COL24A1: variants seen among roughly 807,000 people sequenced by gnomAD.
The protein encoded by COL24A1 is collagen type XXIV alpha 1 chain.
COL24A1 carries 224 observed loss-of-function variants against 253.9 expected under a neutral mutation model. The observed-to-expected ratio is 0.88, with a 90% CI of 0.79 to 0.99. The LOEUF (loss-of-function observed/expected upper bound fraction) is 0.99, where lower values mean the gene tolerates loss of function less well. Ranked by LOEUF, COL24A1 falls within the 50% of genes least tolerant of loss-of-function variation. COL24A1 has a pLI of 0.00. For missense variants in COL24A1, 2,131 were observed against 2,068.5 expected (o/e 1.03, Z -0.59); for synonymous variants, 685 against 673.7 (o/e 1.02, Z -0.26).
chr1:86,055,366 T>C (rs1229696988), intron 10 of COL24A1, among the ~76,000 whole-genome samples: 3 of 152,176 alleles, frequency 2.0e-5, no homozygotes, highest in Non-Finnish European at 4.4e-5. Flanking sequence ...CACTCCCAAG[T>C]GTGAAACCTA....
chr1:85,794,663 G>C (rs1670633432), intron 47 of COL24A1, among the ~76,000 whole-genome samples: 1 of 152,174 alleles, frequency 6.6e-6, no homozygotes. Flanking sequence ...AAGAGAAACA[G>C]ATGCTAACCC....
intron 42 of COL24A1, among the ~76,000 whole-genome samples, chr1:85,840,585 G>A (rs1676496259): frequency 6.6e-6 from 1 of 151,944 alleles, no homozygotes; most frequent in African/African-American, 2.4e-5. Flanking sequence ...TTATTTCTAT[G>A]GACTAAAAAT....
chr1:85,814,835 C>T (rs1040511313), intron 47 of COL24A1, among the ~76,000 whole-genome samples: 2 of 152,148 alleles, frequency 1.3e-5, no homozygotes, highest in African/African-American at 4.8e-5. Flanking sequence ...ATCTCATAAG[C>T]TGAACATCTG....
At chr1:85,967,890 G>T (rs1488809940) in intron 22 of COL24A1, among the ~76,000 whole-genome samples, 1 of 152,160 alleles carries the variant, frequency 6.6e-6, no homozygotes, top group African/African-American at 2.4e-5. Flanking sequence ...TATTGATCCT[G>T]GGTGTGTCTG....
rs1030028399 is a variant in COL24A1 at position 86,156,531 on chromosome 1, G to C, written c.-135C>G. 148 of 694,912 alleles carry C rather than the reference G, an allele frequency of 2.1e-4. No individual in the cohort carries two copies. The highest frequency in any genetic ancestry group is 1.6e-4 in the Non-Finnish European group (74 of 468,206). 43.0% of individuals were successfully genotyped at this position (694,912 alleles called of 1,614,324 possible). ...AAACCATGCTTCAAACCCGCAACAA[G>C]AAAAAAAGGAGGGGAGGGGGTGAAG... On this transcript the variant is annotated 5_prime_UTR_variant, in exon 1 of 60. Transcript: ENST00000370571.
rs564146828 is a variant in COL24A1 at position 86,098,968 on chromosome 1, G to A, written c.1600-6648C>T. Among the ~76,000 whole-genome samples the A allele has an allele frequency of 3.3e-5, 5 of 152,066 alleles. No homozygotes were observed. The East Asian group carries it at 5.8e-4, about 18-fold the overall frequency. On this transcript the variant is annotated intron_variant, in intron 5 of 59. Coordinates refer to ENST00000370571, the MANE Select transcript of COL24A1 (RefSeq NM_152890.7). ...ATCATTAACCACCATAATCTAATTG[G>A]CATTTATATAACACCACACCAAATA...
intron 37 of COL24A1, among the ~76,000 whole-genome samples, chr1:85,854,828 T>C (rs1253595995): frequency 6.6e-6 from 1 of 151,956 alleles, no homozygotes; most frequent in Non-Finnish European, 1.5e-5. Context: ...CTCAGCCTCC[T>C]GAGTAGCTGG....
intron 2 of COL24A1, among the ~76,000 whole-genome samples, chr1:86,128,492 A>G (rs1412316072): frequency 1.3e-5 from 2 of 151,998 alleles, no homozygotes; most frequent in African/African-American, 4.8e-5. Flanking sequence ...TACATATGTA[A>G]AAAATAATCA....
chr1:85,945,018 T>TTTTTTTTTTTTTTTTTG (rs1689174399), intron 24 of COL24A1, among the ~76,000 whole-genome samples: 1 of 86,838 alleles, frequency 1.2e-5, no homozygotes, highest in Non-Finnish European at 2.3e-5. Flanking sequence ...TTTTTTTTTT[T>TTTTTTTTTTTTTTTTTG]TTTTTTTTTT....
intron 45 of COL24A1, among the ~76,000 whole-genome samples, chr1:85,819,676 A>AAAT (rs1280182318): frequency 6.6e-6 from 1 of 152,104 alleles, no homozygotes; most frequent in Non-Finnish European, 1.5e-5. Flanking sequence ...AACAGATTTA[A>AAAT]AATAATAATA....
intron 24 of COL24A1, among the ~76,000 whole-genome samples, chr1:85,927,382 G>A (rs1263090721): frequency 6.6e-6 from 1 of 150,468 alleles, no homozygotes; most frequent in East Asian, 2.0e-4. Context: ...ACCGGCTTAA[G>A]AAACGGCGCA....
rs576645919 is a variant in COL24A1 at position 86,082,888 on chromosome 1, A to C, written c.1707+6286T>G. ...CCCAAATCTGAAAATCTGAAATCTT[A>C]AATGCTCCCAGTGAGCATTTCCTTT... On this transcript the variant is annotated intron_variant, in intron 7 of 59. Coordinates refer to ENST00000370571, the MANE Select transcript of COL24A1 (RefSeq NM_152890.7). Among the ~76,000 whole-genome samples, 44 of 147,256 alleles carry C rather than the reference A, an allele frequency of 3.0e-4. 1 individual carries two copies. In the East Asian group the frequency reaches 8.3e-3, roughly 28 times the overall value.
intron 37 of COL24A1, among the ~76,000 whole-genome samples, chr1:85,865,174 T>A (rs1265508690): frequency 6.6e-6 from 1 of 151,508 alleles, no homozygotes; most frequent in Non-Finnish European, 1.5e-5. Context: ...AAAAAAAGTT[T>A]TATTTCTTTC....
chr1:86,004,248 A>G (rs1236525462), intron 19 of COL24A1, among the ~76,000 whole-genome samples: 2 of 152,144 alleles, frequency 1.3e-5, no homozygotes, highest in African/African-American at 4.8e-5. Context: ...AGAGACAGAT[A>G]TTTATTTGGG....
chr1:86,050,243 TAG>T (rs1165319214), intron 10 of COL24A1, 66 bp from the exon 11 acceptor site: 1 of 1,374,788 alleles, frequency 7.3e-7, no homozygotes, highest in Non-Finnish European at 1.0e-6. Flanking sequence ...TGATTCTGAA[TAG>T]AAGTACTTAA....
In COL24A1 at chr1:85,786,340, A is replaced by C; in HGVS notation, c.4059+14T>G. ...CCAATACTGCTTACCCATTGGAACA[A>C]AATATTAAAGTACCTTTGGGCCTTG... On this transcript the variant is annotated intron_variant, in intron 48 of 59. Coordinates refer to ENST00000370571, the MANE Select transcript of COL24A1 (RefSeq NM_152890.7). 6.2e-7 allele frequency: 1 copy of C among 1,611,756 alleles called. No individual in the cohort carries two copies. Among genetic ancestry groups the C allele is most frequent in the Non-Finnish European group, 8.5e-7 (1 of 1,178,230 alleles).
chr1:85,788,159 C>T (rs555549446), intron 47 of COL24A1, among the ~76,000 whole-genome samples: 37 of 152,124 alleles, frequency 2.4e-4, no homozygotes, highest in Admixed American at 6.6e-4. Context: ...GGTGCGATCT[C>T]GGCTCACTGC....
chr1:85,966,722 T>C lies in COL24A1; in HGVS notation c.2464-1660A>G, dbSNP rs138102378. On this transcript the variant is annotated intron_variant, in intron 22 of 59. Transcript: ENST00000370571. ...TAAGAGGACTTTGAGGATTGAGAAA[T>C]GATAATTGGATCCAGCAATACAGAA... 2.0e-3 allele frequency among the ~76,000 whole-genome samples: 299 copies of C among 152,198 alleles called. 2 individuals carry two copies. The highest frequency in any genetic ancestry group is 4.0e-3 in the Admixed American group (61 of 15,258).
At chr1:85,794,388 G>A (rs1049993939) in intron 47 of COL24A1, among the ~76,000 whole-genome samples, 2 of 152,158 alleles carry the variant, frequency 1.3e-5, no homozygotes, top group African/African-American at 2.4e-5. Context: ...AAGTCAAGAT[G>A]TACTTTTGAC....
Sources: allele counts gnomAD v4.1 joint callset (sites outside exome capture counted in the v4.1 genomes callset), GRCh38; gene constraint gnomAD v4.1.1; transcripts MANE v1.5; gene names NCBI Gene and HGNC (gene_info 2026-07-23, HGNC 2026-07-21).